The following EML4 variants were observed in gnomAD, a reference collection of about 807,000 sequenced individuals.
EML4 encodes echinoderm microtubule-associated protein-like 4.
EML4 carries 72 observed loss-of-function variants against 129.0 expected under a neutral mutation model. That is an observed-to-expected ratio of 0.56 (90% CI 0.46 to 0.68). EML4 has a LOEUF of 0.68. EML4 is among the 30% of genes least tolerant of loss of function. EML4 has a pLI of 0.00. For synonymous variants in EML4, 532 were observed against 405.0 expected, an observed-to-expected ratio of 1.31 and a Z score of -3.77; for missense variants, 1,363 against 1,190.6, an observed-to-expected ratio of 1.14 and a Z score of -2.13.
At chr2:42,248,584 T>A (rs1675563854) in intron 2 of EML4, among the ~76,000 whole-genome samples, 1 of 152,184 alleles carries the variant, frequency 6.6e-6, no homozygotes, top group African/African-American at 2.4e-5. Context: ...AGGATCAGTT[T>A]GGTTAATGGC....
intron 1 of EML4, among the ~76,000 whole-genome samples, chr2:42,187,121 G>A (rs1455854372): frequency 6.6e-6 from 1 of 151,778 alleles, no homozygotes; most frequent in Non-Finnish European, 1.5e-5. Context: ...TCATTTTACT[G>A]TAACGTCCAA....
intron 2 of EML4, among the ~76,000 whole-genome samples, chr2:42,249,111 A>G (rs1390754656): frequency 6.6e-6 from 1 of 152,184 alleles, no homozygotes; most frequent in African/African-American, 2.4e-5. Context: ...CTCAGTTTTG[A>G]TATTAAACAG....
chr2:42,263,665 A>C (rs1330660782), intron 5 of EML4, among the ~76,000 whole-genome samples: 1 of 151,770 alleles, frequency 6.6e-6, no homozygotes, highest in Non-Finnish European at 1.5e-5. Context: ...CGCCTCCCAA[A>C]GTGCTGGGAT....
chr2:42,173,435 T>G (rs937552796), intron 1 of EML4, among the ~76,000 whole-genome samples: 2 of 152,194 alleles, frequency 1.3e-5, no homozygotes, highest in Non-Finnish European at 2.9e-5. Flanking sequence ...CTAGAGTGTT[T>G]TTCAACATAT....
chr2:42,281,078 AACAGCTACTT>A, intron 7 of EML4, 105 bp downstream of exon 7: 2 of 914,620 alleles, frequency 2.2e-6, no homozygotes, highest in Non-Finnish European at 3.2e-6. Context: ...AAAAAAAAGT[AACAGCTACTT>A]AAAAAATTAA....
intron 16 of EML4, 59 bp downstream of exon 16, chr2:42,303,505 T>G: frequency 6.3e-7 from 1 of 1,577,638 alleles, no homozygotes; most frequent in East Asian, 2.3e-5. Flanking sequence ...CACTGGCAGT[T>G]GAGAGCAGCA....
intron 2 of EML4, among the ~76,000 whole-genome samples, chr2:42,250,641 T>C (rs1419808220): frequency 6.6e-6 from 1 of 152,068 alleles, no homozygotes; most frequent in Non-Finnish European, 1.5e-5. Flanking sequence ...TGGTATAGCC[T>C]AGTATGCATC....
chr2:42,258,252 G>A (rs1665474127), intron 3 of EML4, among the ~76,000 whole-genome samples: 1 of 152,136 alleles, frequency 6.6e-6, no homozygotes, highest in South Asian at 2.1e-4. Context: ...TAATCTTGTT[G>A]AAGAATCGCA....
chr2:42,225,292 A>G (rs545498858), intron 1 of EML4, among the ~76,000 whole-genome samples: 7 of 152,134 alleles, frequency 4.6e-5, no homozygotes, highest in East Asian at 1.9e-4. Flanking sequence ...GCTTTGTCAT[A>G]TGGTAATCCT....
chr2:42,240,096 T>C (rs959204106), intron 1 of EML4, among the ~76,000 whole-genome samples: 4 of 152,190 alleles, frequency 2.6e-5, no homozygotes, highest in Non-Finnish European at 4.4e-5. Flanking sequence ...GACTTCAAGA[T>C]AGTGTCTGTT....
At chr2:42,243,137 A>G (rs1379171912) in intron 1 of EML4, among the ~76,000 whole-genome samples, 1 of 152,166 alleles carries the variant, frequency 6.6e-6, no homozygotes, top group Non-Finnish European at 1.5e-5. Flanking sequence ...GTTCAGTCTC[A>G]TAGTATGGGG....
chr2:42,312,065 A>C (rs983101434), intron 17 of EML4, among the ~76,000 whole-genome samples: 6 of 152,172 alleles, frequency 3.9e-5, no homozygotes, highest in African/African-American at 1.4e-4. Flanking sequence ...ATGTGGCTTC[A>C]AAGTGCCAGT....
At chr2:42,237,872 G>A (rs1391310998) in intron 1 of EML4, among the ~76,000 whole-genome samples, 2 of 152,108 alleles carry the variant, frequency 1.3e-5, no homozygotes, top group East Asian at 3.9e-4. Flanking sequence ...GGAGAGGTTG[G>A]CTTGCATTTT....
intron 22 of EML4, 106 bp from the exon 23 acceptor site, chr2:42,329,628 C>T: frequency 1.2e-6 from 1 of 848,162 alleles, no homozygotes; most frequent in Non-Finnish European, 1.9e-6. Context: ...TTGGATTGCC[C>T]ATTTCACAAG....
rs1482371276 is a variant in EML4, at chr2:42,301,302, G to C, written c.1551G>C (p.Gln517His). 1 of 1,613,206 alleles carries C rather than the reference G, an allele frequency of 6.2e-7. No homozygotes were observed. The highest frequency in any genetic ancestry group is 8.5e-7 in the Non-Finnish European group (1 of 1,179,628). ...ATGGCAGTGTGTTCACACTTTGTCA[G>C]ATGAGAAATGGGATGTTATTAACTG... ...AHDGSVFTLC[Q>H]MRNGMLLTGG... is the part of the protein sequence containing the mutation. The change falls in exon 14 of 23, where the codon CAG becomes CAC. Residue 517 changes from glutamine (Q) to histidine (H), a missense_variant. Coordinates refer to ENST00000318522, the MANE Select transcript of EML4 (RefSeq NM_019063.5).
At chr2:42,256,284 G>A (rs528585219) in intron 2 of EML4, among the ~76,000 whole-genome samples, 2 of 152,258 alleles carry the variant, frequency 1.3e-5, no homozygotes, top group Admixed American at 1.3e-4. Flanking sequence ...TAGTAAATTA[G>A]TATGGCTTTC....
intron 1 of EML4, among the ~76,000 whole-genome samples, chr2:42,239,011 A>T (rs1365882838): frequency 6.6e-6 from 1 of 152,130 alleles, no homozygotes; most frequent in East Asian, 1.9e-4. Flanking sequence ...TCACGCAATC[A>T]TCCTGCCTCA....
intron 1 of EML4, among the ~76,000 whole-genome samples, chr2:42,189,498 T>C (rs780589862): frequency 6.6e-4 from 101 of 152,334 alleles, no homozygotes; most frequent in Non-Finnish European, 1.2e-3. Context: ...GAGGATTGCA[T>C]GAGACCAGGA....
chr2:42,304,693 C>G, intron 17 of EML4, 142 bp downstream of exon 17: 1 of 672,358 alleles, frequency 1.5e-6, no homozygotes, highest in East Asian at 2.7e-5. Context: ...TTTGTATATT[C>G]ATAGAATTCA....
Sources: allele counts gnomAD v4.1 joint callset (sites outside exome capture counted in the v4.1 genomes callset), GRCh38; gene constraint gnomAD v4.1.1; transcripts MANE v1.5; gene names NCBI Gene and HGNC (gene_info 2026-07-23, HGNC 2026-07-21).